The following TBC1D2 variants were observed in gnomAD, a reference collection of about 807,000 sequenced individuals.
The protein encoded by TBC1D2 is TBC1 domain family member 2, also known as TBC1 domain family member 2A.
TBC1D2 carries 58 observed loss-of-function variants against 91.1 expected under a neutral mutation model. That is an observed-to-expected ratio of 0.64 (90% confidence interval 0.52 to 0.79). The LOEUF (loss-of-function observed/expected upper bound fraction) is 0.79. Among genes scored for constraint, TBC1D2 ranks in the 30% least tolerant of loss-of-function variants. The pLI, the probability that TBC1D2 is intolerant of heterozygous loss-of-function variation, is 0.00. For missense variants in TBC1D2, 1,080 were observed against 1,208.3 expected, an observed-to-expected ratio of 0.89 and a Z score of 1.57; for synonymous variants, 482 against 511.5, an observed-to-expected ratio of 0.94 and a Z score of 0.78.
At chr9:98,250,328 C>T (rs964622540) in intron 2 of TBC1D2, among the ~76,000 whole-genome samples, 2 of 57,474 alleles carry the variant, frequency 3.5e-5, no homozygotes, top group Non-Finnish European at 6.0e-5. Context: ...TGGCAGTGAC[C>T]GGGTTCAGGG....
chr9:98,215,996 A>G (rs1197431040), intron 6 of TBC1D2, among the ~76,000 whole-genome samples: 1 of 152,156 alleles, frequency 6.6e-6, no homozygotes, highest in East Asian at 1.9e-4. Flanking sequence ...GTATAACAAC[A>G]CATCAAAGAC....
chr9:98,238,026 C>T (rs1326561509), intron 3 of TBC1D2, among the ~76,000 whole-genome samples: 3 of 148,856 alleles, frequency 2.0e-5, no homozygotes. Context: ...GCCTCAGCCT[C>T]CCAAGTAGCT....
intron 2 of TBC1D2, among the ~76,000 whole-genome samples, chr9:98,251,069 G>A (rs1447236103): frequency 6.6e-6 from 1 of 152,046 alleles, no homozygotes; most frequent in Non-Finnish European, 1.5e-5. Flanking sequence ...GGTAGATCAC[G>A]AGGTCAGGAG....
intron 6 of TBC1D2, among the ~76,000 whole-genome samples, chr9:98,218,017 A>G (rs1201678254): frequency 6.6e-6 from 1 of 151,870 alleles, no homozygotes; most frequent in East Asian, 1.9e-4. Context: ...TGCCTGGCTA[A>G]TTTTTTAATT....
chr9:98,231,621 C>CATTTTCAACTTATGAT (rs957565979), intron 4 of TBC1D2, among the ~76,000 whole-genome samples: 3 of 152,144 alleles, frequency 2.0e-5, no homozygotes, highest in Non-Finnish European at 4.4e-5. Flanking sequence ...ATATTAAATG[C>CATTTTCAACTTATGAT]ATTTTCAACT....
intron 9 of TBC1D2, among the ~76,000 whole-genome samples, chr9:98,206,029 A>T (rs1277791733): frequency 2.0e-5 from 3 of 151,582 alleles, no homozygotes; most frequent in Non-Finnish European, 4.4e-5. Context: ...TTGCTCTGTC[A>T]CCAGGCTGGA....
chr9:98,245,545 C>T (rs1276864849), intron 2 of TBC1D2, among the ~76,000 whole-genome samples: 1 of 151,736 alleles, frequency 6.6e-6, no homozygotes, highest in African/African-American at 2.4e-5. Flanking sequence ...CCAGCCTGGG[C>T]AACAGAGTAA....
chr9:98,214,609 C>T lies in TBC1D2; in HGVS notation c.1375-1391G>A, dbSNP rs931013091. On this transcript the variant is annotated intron_variant, in intron 6 of 12. Coordinates refer to ENST00000465784, the MANE Select transcript of TBC1D2 (RefSeq NM_001267571.2). The stretch of plus-strand genomic sequence containing the variant: ...GATGCTGCAGCAAGGATGACTCCGA[C>T]GTGGCCAGATTGATTTGGAAATGAA... Among the ~76,000 whole-genome samples the T allele has an allele frequency of 4.6e-5, 7 of 151,866 alleles. 1 individual carries two copies. The highest frequency in any genetic ancestry group is 1.9e-4 in the East Asian group (1 of 5,168).
chr9:98,232,050 C>T lies in TBC1D2; in HGVS notation c.781+1366G>A, dbSNP rs187144045. ...TTCTTTTTGGGGTAATAAAAATGTTCTAAAATTGATTATAGTGACGGCTGC... is the reference window on the plus strand; with the variant it reads ...TTCTTTTTGGGGTAATAAAAATGTTTTAAAATTGATTATAGTGACGGCTGC... On this transcript the variant is annotated intron_variant, in intron 4 of 12. Transcript: ENST00000465784. Among the ~76,000 whole-genome samples, 640 of 152,164 alleles carry T rather than the reference C, an allele frequency of 4.2e-3. 3 individuals are homozygous for T. Among genetic ancestry groups the T allele is most frequent in the South Asian group, 8.1e-3 (39 of 4,822 alleles).
chr9:98,255,396 C>T lies in TBC1D2; in HGVS notation c.146G>A (p.Cys49Tyr). 1.9e-6 allele frequency: 3 copies of T among 1,614,082 alleles called. No individual in the cohort carries two copies. The highest frequency in any genetic ancestry group is 2.5e-6 in the Non-Finnish European group (3 of 1,179,912). Reference sequence around the variant, plus strand: ...GCCGCCGAACTTACTTAAATACCCACAGAGTTTCTTGGGGACCGCCTCCAG... The same window carrying T: ...GCCGCCGAACTTACTTAAATACCCATAGAGTTTCTTGGGGACCGCCTCCAG... Reference protein sequence around the residue: ...RSLEAVPKKLCGYLSKFGGKG... With the variant: ...RSLEAVPKKLYGYLSKFGGKG... Residue 49 changes from cysteine (C) to tyrosine (Y), a missense_variant, in exon 1 of 13, where the codon TGT (cysteine) becomes TAT (tyrosine). By Grantham distance (194) the Cys-to-Tyr change is radical. Coordinates refer to ENST00000465784, the MANE Select transcript of TBC1D2 (RefSeq NM_001267571.2).
chr9:98,205,119 C>T (rs1383309680), intron 9 of TBC1D2, among the ~76,000 whole-genome samples: 1 of 152,206 alleles, frequency 6.6e-6, no homozygotes. Flanking sequence ...CTCAACATTA[C>T]ATAGTCAGTT....
rs533861913 is a variant in TBC1D2 at position 98,218,522 on chromosome 9, G to A, written c.1374+2311C>T. 6.6e-5 allele frequency among the ~76,000 whole-genome samples: 10 copies of A among 152,070 alleles called. No individual in the cohort carries two copies. The South Asian group carries it at 1.5e-3, about 22-fold the overall frequency. On this transcript the variant is annotated intron_variant, in intron 6 of 12. Coordinates refer to ENST00000465784, the MANE Select transcript of TBC1D2 (RefSeq NM_001267571.2). ...GCGGAGCTTGCAGTGAGCCGAGACC[G>A]CGCCACTGCACTCCAGGCTGGGTGA... is the stretch of plus-strand genomic sequence containing the variant.
intron 3 of TBC1D2, chr9:98,235,327 G>T: frequency 2.4e-6 from 1 of 417,342 alleles, no homozygotes. Flanking sequence ...AGAAGATAGA[G>T]GCCTTGAGAA....
chr9:98,209,772 CT>C (rs1828775449), intron 8 of TBC1D2, among the ~76,000 whole-genome samples: 1 of 140,358 alleles, frequency 7.1e-6, no homozygotes, highest in Non-Finnish European at 1.5e-5. Context: ...TCCTTCCTTC[CT>C]TCCTTCCTTC....
At chr9:98,234,803 C>G (rs1829461513) in intron 3 of TBC1D2, 1 of 173,452 alleles carries the variant, frequency 5.8e-6, no homozygotes, top group Non-Finnish European at 1.2e-5. Context: ...AGGACTTAGG[C>G]CAAGACCAGC....
Position 98,213,119 on chromosome 9 carries a change from G to A in TBC1D2, c.1474C>T (p.Leu492Phe), listed in dbSNP as rs1009970739. The A allele has an allele frequency of 8.7e-6, 14 of 1,614,162 alleles. No homozygotes were observed. Among genetic ancestry groups the A allele is most frequent in the Non-Finnish European group, 1.2e-5 (14 of 1,180,032 alleles). ...GCCCCACCCCGCACCTTCGTCAGAA[G>A]GGCCTTCTCCTTCTCAGCCACCTTT... Reference protein sequence around the residue: ...WRKVAEKEKALLTKCAYLQAR... With the variant: ...WRKVAEKEKAFLTKCAYLQAR... Residue 492 changes from leucine to phenylalanine, a missense_variant, in exon 7 of 13, where the codon CTT becomes TTT. Transcript: ENST00000465784.
Position 98,209,035 on chromosome 9 carries a change from G to A in TBC1D2, c.1783C>T (p.Leu595Phe), listed in dbSNP as rs1474078503. 2 of 1,614,200 alleles carry A rather than the reference G, an allele frequency of 1.2e-6. No homozygotes were observed. The highest frequency in any genetic ancestry group is 2.7e-5 in the African/African-American group (2 of 75,046). The change falls in exon 9 of 13, where the codon CTC becomes TTC. Residue 595 changes from leucine to phenylalanine, a missense_variant. Transcript: ENST00000465784. The stretch of plus-strand genomic sequence containing the variant: ...CTCAGCGGCCGATCCACAGCCTCGA[G>A]GCCCAGCAGGTGGTGGGATCGTGAC... ...LESRSHHLLG[L>F]EAVDRPLRER...
In TBC1D2 at chr9:98,221,053, C is replaced by G. The variant is rs530760371; in HGVS notation, c.1154G>C (p.Ser385Thr). Reference sequence around the variant, plus strand: ...CCGCAGGCTCGCTGTGTGCGCCAGGCTCTCCCGCTCCTGCTCCAGGGCCTC... The same window carrying G: ...CCGCAGGCTCGCTGTGTGCGCCAGGGTCTCCCGCTCCTGCTCCAGGGCCTC... ...RVEALEQERE[S>T]LAHTASLREQ... Residue 385 changes from serine to threonine, a missense_variant, in exon 6 of 13, where the codon AGC becomes ACC. Transcript: ENST00000465784. 1 of 1,612,484 alleles carries G rather than the reference C, an allele frequency of 6.2e-7. No individual in the cohort carries two copies. The highest frequency in any genetic ancestry group is 1.1e-5 in the South Asian group (1 of 91,016).
rs1828607585 is a variant in TBC1D2 at position 98,204,854 on chromosome 9, A to C, written c.2151-1446T>G. Among the ~76,000 whole-genome samples the C allele has an allele frequency of 2.6e-5, 4 of 152,238 alleles. No individual in the cohort carries two copies. The South Asian group carries it at 8.3e-4, about 32-fold the overall frequency. The stretch of plus-strand genomic sequence containing the variant: ...TTCAAGGATAGCAAACGTGAGATAC[A>C]CTGGCCTCTATCCTTTTCGTCTGTG... On this transcript the variant is annotated intron_variant, in intron 9 of 12. Coordinates refer to ENST00000465784, the MANE Select transcript of TBC1D2 (RefSeq NM_001267571.2).
Sources: gnomAD v4.1 joint callset for allele counts (sites outside exome capture counted in the v4.1 genomes callset) on GRCh38, gnomAD v4.1.1 for gene constraint, MANE v1.5 for transcripts, NCBI Gene and HGNC (gene_info 2026-07-23, HGNC 2026-07-21) for gene names.